The following TMEM116 variants were observed in gnomAD, a reference collection of about 807,000 sequenced individuals.
TMEM116 encodes the protein transmembrane protein 116.
Under a neutral mutation model 44.3 loss-of-function variants are expected in TMEM116, and 38 were observed. The observed-to-expected ratio is 0.86, with a 90% CI of 0.66 to 1.12. The LOEUF (loss-of-function observed/expected upper bound fraction) is 1.12. Among genes scored for constraint, TMEM116 ranks in the 50% most tolerant of loss-of-function variants. The pLI is 0.00. For missense variants in TMEM116, 354 were observed against 401.7 expected, an observed-to-expected ratio of 0.88 and a Z score of 1.01; for synonymous variants, 132 against 144.8, an observed-to-expected ratio of 0.91 and a Z score of 0.64.
intron 4 of TMEM116, among the ~76,000 whole-genome samples, chr12:111,980,918 A>C (rs2075901780): frequency 6.6e-6 from 1 of 152,042 alleles, no homozygotes; most frequent in African/African-American, 2.4e-5. Context: ...CACAAAAAAT[A>C]CAAAAATTAA....
chr12:112,005,673 C>T, intron 1 of TMEM116: 2 of 985,544 alleles, frequency 2.0e-6, no homozygotes, highest in Non-Finnish European at 2.4e-6. Flanking sequence ...AAAAAAGAAA[C>T]CTGGGAGAGA....
chr12:112,001,931 C>A (rs1220995800), intron 3 of TMEM116, among the ~76,000 whole-genome samples: 2 of 152,142 alleles, frequency 1.3e-5, no homozygotes, highest in Non-Finnish European at 2.9e-5. Context: ...CAAGACAAGG[C>A]TGCATTCAAA....
In TMEM116 at chr12:111,989,765, A is replaced by G. The variant is rs1157785713; in HGVS notation, c.210+1993T>C. ...ATATCCAACAAAGATTTTTAAAAGC[A>G]GCTATTATACTACATAGCTCAAAGA... is the stretch of plus-strand genomic sequence containing the variant. On this transcript the variant is annotated intron_variant, in intron 4 of 10. Transcript: ENST00000552374. Among the ~76,000 whole-genome samples the G allele has an allele frequency of 3.9e-5, 6 of 152,236 alleles. No homozygotes were observed. The East Asian group carries it at 1.2e-3, about 29-fold the overall frequency.
intron 4 of TMEM116, among the ~76,000 whole-genome samples, chr12:111,962,208 G>A (rs142852885): frequency 0.015 from 2,311 of 152,172 alleles, 67 homozygotes; most frequent in African/African-American, 0.053. Context: ...TCATGGATAG[G>A]AAGAATCAAT....
intron 4 of TMEM116, among the ~76,000 whole-genome samples, chr12:111,975,793 T>TA (rs60287859): frequency 0.21 from 31,964 of 148,842 alleles, 3,780 homozygotes; most frequent in African/African-American, 0.33. Flanking sequence ...AGGGATACTT[T>TA]AAAAAAAAAA....
In TMEM116 at chr12:111,943,382, C is replaced by G; in HGVS notation, c.211-13G>C. On this transcript the variant is annotated splice_polypyrimidine_tract_variant and intron_variant, in intron 4 of 10. Transcript: ENST00000552374. ...AAATGTAGAATATCTAGGTTAAAATCAAAACAACCCATCATAACTATCTCA... is the reference window on the plus strand; with the variant it reads ...AAATGTAGAATATCTAGGTTAAAATGAAAACAACCCATCATAACTATCTCA... 1 of 1,565,818 alleles carries G rather than the reference C, an allele frequency of 6.4e-7. No homozygotes were observed. The highest frequency in any genetic ancestry group is 1.4e-5 in the African/African-American group (1 of 74,054).
intron 4 of TMEM116, among the ~76,000 whole-genome samples, chr12:111,989,043 T>C (rs1472268584): frequency 6.6e-6 from 1 of 151,762 alleles, no homozygotes; most frequent in Admixed American, 6.6e-5. Context: ...CAAACTAGTG[T>C]TTTTAAGCCC....
In TMEM116 at chr12:111,973,391, T is replaced by C. The variant is rs577788472; in HGVS notation, c.210+18367A>G. 5.0e-4 allele frequency among the ~76,000 whole-genome samples: 76 copies of C among 152,320 alleles called. 1 individual carries two copies. The South Asian group carries it at 0.014, about 29-fold the overall frequency. ...AATTTACGGGATATACCAGCTACCA[T>C]GGCACATGCCCATATTCCAGCTACT... On this transcript the variant is annotated intron_variant, in intron 4 of 10. Coordinates refer to ENST00000552374, the MANE Select transcript of TMEM116 (RefSeq NM_001193531.2).
At chr12:111,940,527 A>ATG (rs2072687108) in intron 5 of TMEM116, among the ~76,000 whole-genome samples, 1 of 112,644 alleles carries the variant, frequency 8.9e-6, no homozygotes, top group South Asian at 2.7e-4. Context: ...ATATGTGTAT[A>ATG]TATATATATA....
rs557896792 is a variant in TMEM116, at chr12:111,957,594, C to T, written c.211-14225G>A. ...TGGGAGGTGGGGGCCAGCCCCCGCC[C>T]GGCCAGCCGCCCCGTCCGGGAGGTG... On this transcript the variant is annotated intron_variant, in intron 4 of 10. Transcript: ENST00000552374. Among the ~76,000 whole-genome samples, 679 of 150,572 alleles carry T rather than the reference C, an allele frequency of 4.5e-3. 4 individuals carry two copies. Among genetic ancestry groups the T allele is most frequent in the Non-Finnish European group, 5.4e-3 (362 of 67,346 alleles).
rs775456751 is a variant in TMEM116, at chr12:111,936,783, G to A, written c.497C>T (p.Pro166Leu). Residue 166 changes from proline to leucine, a missense_variant, in exon 8 of 11, where the codon CCT (proline) becomes CTT (leucine). Coordinates refer to ENST00000552374, the MANE Select transcript of TMEM116 (RefSeq NM_001193531.2). ...SPPSAMAELP[P>L]SANTSVCSTL... is the part of the protein sequence containing the mutation. ...GCTACAGACAGATGTGTTGGCAGAA[G>A]GTGGAAGTTCAGCCATGGCTGATGG... The A allele has an allele frequency of 1.9e-6, 3 of 1,612,874 alleles. No homozygotes were observed. Among genetic ancestry groups the A allele is most frequent in the Non-Finnish European group, 2.5e-6 (3 of 1,179,536 alleles).
intron 4 of TMEM116, among the ~76,000 whole-genome samples, chr12:111,972,671 G>C (rs1481098295): frequency 6.6e-6 from 1 of 152,146 alleles, no homozygotes; most frequent in Non-Finnish European, 1.5e-5. Flanking sequence ...TTGAGATCAG[G>C]AGTTCAAGAC....
chr12:111,967,269 G>C (rs2075036403), intron 4 of TMEM116, among the ~76,000 whole-genome samples: 1 of 152,042 alleles, frequency 6.6e-6, no homozygotes, highest in Admixed American at 6.6e-5. Flanking sequence ...TGAGAATCTA[G>C]GTCTCCTAAG....
At chr12:111,949,249 T>C (rs552272561) in intron 4 of TMEM116, among the ~76,000 whole-genome samples, 27 of 152,350 alleles carry the variant, frequency 1.8e-4, no homozygotes, top group Admixed American at 1.6e-3. Context: ...TTTTTCTCCC[T>C]ACTTGATCCC....
At chr12:111,938,283 G>C in intron 5 of TMEM116, 73 bp from the exon 6 acceptor site, 1 of 1,129,808 alleles carries the variant, frequency 8.9e-7, no homozygotes, top group Non-Finnish European at 1.2e-6. Flanking sequence ...CAGATCATCA[G>C]TTAACACTCA....
At chr12:111,959,618 C>A (rs2074426590) in intron 4 of TMEM116, among the ~76,000 whole-genome samples, 1 of 152,200 alleles carries the variant, frequency 6.6e-6, no homozygotes, top group African/African-American at 2.4e-5. Context: ...CGTGCAGAGA[C>A]ACACATAGGC....
chr12:112,009,004 T>C (rs1593701596), intron 1 of TMEM116, among the ~76,000 whole-genome samples: 1 of 151,128 alleles, frequency 6.6e-6, no homozygotes, highest in East Asian at 1.9e-4. Context: ...TTTCTAGTAA[T>C]AACAGTTACC....
At chr12:112,009,776 G>A (rs1235623437) in intron 1 of TMEM116, among the ~76,000 whole-genome samples, 1 of 151,436 alleles carries the variant, frequency 6.6e-6, no homozygotes, top group Non-Finnish European at 1.5e-5. Context: ...AACGCAGGAG[G>A]TGGAGGTTGC....
chr12:111,992,023 T>A (rs1418723110), intron 3 of TMEM116, 134 bp from the exon 4 acceptor site: 1 of 900,064 alleles, frequency 1.1e-6, no homozygotes, highest in African/African-American at 1.7e-5. Context: ...ATTGGTTGAT[T>A]GTGGGCAATG....
Sources: allele counts gnomAD v4.1 joint callset (sites outside exome capture counted in the v4.1 genomes callset), GRCh38; gene constraint gnomAD v4.1.1; transcripts MANE v1.5; gene names NCBI Gene and HGNC (gene_info 2026-07-23, HGNC 2026-07-21).